SLC39A11: variants seen among roughly 807,000 people sequenced by gnomAD.
SLC39A11 encodes zinc transporter ZIP11.
A neutral mutation model predicts 36.1 loss-of-function variants in SLC39A11; 33 were observed. That is an observed-to-expected ratio of 0.91 (90% CI 0.69 to 1.22). The LOEUF (loss-of-function observed/expected upper bound fraction) is 1.22. SLC39A11 is among the 50% of genes most tolerant of loss of function. SLC39A11 has a pLI of 0.00. For missense variants in SLC39A11, 432 were observed against 430.3 expected, an observed-to-expected ratio of 1.00 and a Z score of -0.03; for synonymous variants, 166 against 170.3, an observed-to-expected ratio of 0.97 and a Z score of 0.20.
At chr17:73,057,666 G>A (rs1025124363) in intron 3 of SLC39A11, among the ~76,000 whole-genome samples, 1 of 152,142 alleles carries the variant, frequency 6.6e-6, no homozygotes, top group African/African-American at 2.4e-5. Flanking sequence ...GGCCAGGCGC[G>A]GTGGCTCACG....
At chr17:73,087,622 T>C (rs75810249) in intron 2 of SLC39A11, among the ~76,000 whole-genome samples, 8,570 of 151,820 alleles carry the variant, frequency 0.056, 304 homozygotes, top group African/African-American at 0.092. Flanking sequence ...GGAGGGCATA[T>C]GGGTATGGGT....
At chr17:72,999,062 G>C (rs2089676262) in intron 4 of SLC39A11, among the ~76,000 whole-genome samples, 1 of 152,166 alleles carries the variant, frequency 6.6e-6, no homozygotes, top group African/African-American at 2.4e-5. Context: ...GATTCCAAGA[G>C]GGCAACAGGT....
intron 5 of SLC39A11, among the ~76,000 whole-genome samples, chr17:72,931,464 G>C (rs2084391762): frequency 6.6e-6 from 1 of 152,144 alleles, no homozygotes; most frequent in African/African-American, 2.4e-5. Context: ...CTATGCCCAA[G>C]CTCCCACTCC....
At chr17:72,782,355 G>A (rs1046739211) in intron 6 of SLC39A11, among the ~76,000 whole-genome samples, 5 of 152,128 alleles carry the variant, frequency 3.3e-5, no homozygotes, top group African/African-American at 1.2e-4. Flanking sequence ...TTCACCTCCA[G>A]AACTGTGAGA....
intron 4 of SLC39A11, among the ~76,000 whole-genome samples, chr17:73,029,579 A>G (rs1225113973): frequency 6.7e-6 from 1 of 149,950 alleles, no homozygotes; most frequent in Non-Finnish European, 1.5e-5. Flanking sequence ...AGACACGGCC[A>G]CTCAATCTTT....
At chr17:72,867,900 A>G (rs1304379098) in intron 5 of SLC39A11, among the ~76,000 whole-genome samples, 1 of 152,204 alleles carries the variant, frequency 6.6e-6, no homozygotes, top group African/African-American at 2.4e-5. Flanking sequence ...GGGATCCTAC[A>G]TAAGCAAACC....
At chr17:72,696,033 G>T (rs754787255) in intron 7 of SLC39A11, among the ~76,000 whole-genome samples, 29 of 152,266 alleles carry the variant, frequency 1.9e-4, no homozygotes, top group Non-Finnish European at 3.4e-4. Context: ...ACCACACCTG[G>T]ATGCTGGGCG....
chr17:73,073,229 G>A (rs1245261341), intron 3 of SLC39A11, among the ~76,000 whole-genome samples: 1 of 152,078 alleles, frequency 6.6e-6, no homozygotes, highest in South Asian at 2.1e-4. Context: ...AAACTCTAAG[G>A]GTCCCAATAC....
intron 6 of SLC39A11, among the ~76,000 whole-genome samples, chr17:72,841,212 G>GC (rs2078792208): frequency 6.6e-6 from 1 of 152,174 alleles, no homozygotes; most frequent in Admixed American, 6.5e-5. Flanking sequence ...ATAACATTGG[G>GC]CCCCCCAAAA....
At chr17:72,982,883 G>A (rs764951239) in intron 4 of SLC39A11, among the ~76,000 whole-genome samples, 13 of 152,136 alleles carry the variant, frequency 8.5e-5, no homozygotes, top group Admixed American at 3.9e-4. Context: ...TTGCACTGAC[G>A]ACAGGGCTGC....
At chr17:72,997,027 T>C (rs1250240857) in intron 4 of SLC39A11, among the ~76,000 whole-genome samples, 1 of 152,090 alleles carries the variant, frequency 6.6e-6, no homozygotes, top group Non-Finnish European at 1.5e-5. Flanking sequence ...CAGCTTAATG[T>C]AGTCAAGAGC....
intron 6 of SLC39A11, among the ~76,000 whole-genome samples, chr17:72,764,102 C>T (rs2075684011): frequency 6.6e-6 from 1 of 152,080 alleles, no homozygotes; most frequent in African/African-American, 2.4e-5. Context: ...AGTTAGAGTC[C>T]AGTGGGAAGG....
At chr17:73,026,590 AC>A (rs2058565826) in intron 4 of SLC39A11, among the ~76,000 whole-genome samples, 1 of 151,758 alleles carries the variant, frequency 6.6e-6, no homozygotes, top group African/African-American at 2.4e-5. Context: ...CTAGAATGAT[AC>A]CCGCTAAACT....
At chr17:72,962,462 C>T (rs867980729) in intron 4 of SLC39A11, among the ~76,000 whole-genome samples, 5 of 152,252 alleles carry the variant, frequency 3.3e-5, no homozygotes, top group South Asian at 4.1e-4. Flanking sequence ...GATTCAGGTC[C>T]CTATTTTCTT....
At chr17:72,826,717 C>G (rs1014552566) in intron 6 of SLC39A11, among the ~76,000 whole-genome samples, 2 of 152,134 alleles carry the variant, frequency 1.3e-5, no homozygotes, top group South Asian at 4.1e-4. Context: ...GGACACTTAA[C>G]TTACAACAAG....
intron 7 of SLC39A11, among the ~76,000 whole-genome samples, chr17:72,666,998 T>C (rs1019290090): frequency 3.9e-5 from 6 of 152,230 alleles, no homozygotes; most frequent in African/African-American, 1.4e-4. Flanking sequence ...TCAGAGCTGA[T>C]AATGTCCAGG....
At chr17:72,870,471 G>A (rs957535879) in intron 5 of SLC39A11, among the ~76,000 whole-genome samples, 2 of 152,176 alleles carry the variant, frequency 1.3e-5, no homozygotes, top group Admixed American at 6.5e-5. Flanking sequence ...GGTGCCCTGC[G>A]GCAATGTGTT....
chr17:72,844,601 G>GGAGGTTGCAGTGAGCC (rs1695746901), intron 6 of SLC39A11, among the ~76,000 whole-genome samples: 2 of 152,160 alleles, frequency 1.3e-5, no homozygotes, highest in Admixed American at 1.3e-4. Context: ...CCCAGGAGGT[G>GGAGGTTGCAGTGAGCC]GAGGTTGCAG....
chr17:72,791,299 C>A (rs558368415), intron 6 of SLC39A11, among the ~76,000 whole-genome samples: 143 of 152,246 alleles, frequency 9.4e-4, no homozygotes, highest in Non-Finnish European at 1.5e-3. Flanking sequence ...TACAAAAATA[C>A]AAAAATTAGC....
Sources: allele counts gnomAD v4.1 joint callset (sites outside exome capture counted in the v4.1 genomes callset), GRCh38; gene constraint gnomAD v4.1.1; transcripts MANE v1.5; gene names NCBI Gene and HGNC (gene_info 2026-07-23, HGNC 2026-07-21).